Variants in BACC1 observed in about 807,000 individuals in gnomAD.
The protein encoded by BACC1 is BPTF associated chromatin complex component 1.
At chr17:7,015,517 C>T in the BACC1 span, 7 of 1,410,532 alleles carry the variant, frequency 5.0e-6, 1 homozygote, top group South Asian at 1.1e-4. Context: ...CTGTGTACAG[C>T]AGCCGTTTAA....
chr17:7,017,026 C>A, the BACC1 span: 64 of 1,599,594 alleles, frequency 4.0e-5, no homozygotes, highest in Middle Eastern at 1.7e-4. Flanking sequence ...TAGGAGTCCT[C>A]CTCCTCCCAC....
chr17:7,017,293 C>T, the BACC1 span: 1 of 1,613,992 alleles, frequency 6.2e-7, no homozygotes, highest in Non-Finnish European at 8.5e-7. Context: ...CTCATGACCT[C>T]TGCTGATCCT....
At chr17:7,015,067 A>G in the BACC1 span, 1 of 1,551,536 alleles carries the variant, frequency 6.4e-7, no homozygotes, top group Non-Finnish European at 8.6e-7. Context: ...CCCAGGTCGG[A>G]GAGATCTTCT....
At chr17:7,016,715 T>C in the BACC1 span, 1 of 1,593,416 alleles carries the variant, frequency 6.3e-7, no homozygotes, top group Non-Finnish European at 8.5e-7. Flanking sequence ...TGCCTAGGGG[T>C]TAAAGGTCCC....
At chr17:7,016,636 C>G in the BACC1 span, 1 of 1,614,024 alleles carries the variant, frequency 6.2e-7, no homozygotes, top group Non-Finnish European at 8.5e-7. Flanking sequence ...CTCCCAGCAG[C>G]TCCAGTGTCC....
the BACC1 span, chr17:7,016,252 G>A: frequency 9.1e-6 from 5 of 547,698 alleles, no homozygotes; most frequent in Admixed American, 3.6e-5. Context: ...TCTACCTGAT[G>A]TCTCTCCCAG....
the BACC1 span, chr17:7,016,782 C>A: frequency 6.5e-7 from 1 of 1,531,798 alleles, no homozygotes; most frequent in Non-Finnish European, 8.9e-7. Flanking sequence ...GTCTCTCTTC[C>A]TGTCCCTGTG....
At chr17:7,017,084 C>T in the BACC1 span, 18 of 1,537,752 alleles carry the variant, frequency 1.2e-5, no homozygotes, top group Non-Finnish European at 1.5e-5. Flanking sequence ...TGGCAGGGCA[C>T]GGTCTCCGCA....
the BACC1 span, chr17:7,017,222 C>G: frequency 6.2e-7 from 1 of 1,614,056 alleles, no homozygotes; most frequent in Admixed American, 1.7e-5. Context: ...ACTGGGGGCT[C>G]GCTCCATCTC....
the BACC1 span, chr17:7,015,976 C>T: frequency 3.2e-6 from 3 of 939,318 alleles, no homozygotes; most frequent in Non-Finnish European, 4.9e-6. Flanking sequence ...TCAGCTGCTT[C>T]CCTACTTTGT....
At chr17:7,015,664 G>T in the BACC1 span, 4 of 1,355,370 alleles carry the variant, frequency 3.0e-6, no homozygotes, top group South Asian at 1.3e-5. Context: ...CGTGGAAGGG[G>T]TCCCAGAAAT....
chr17:7,015,785 C>T, the BACC1 span: 4 of 1,613,860 alleles, frequency 2.5e-6, no homozygotes, highest in Admixed American at 1.7e-5. Context: ...GCGAAGTGGA[C>T]GGAGACGGAA....
the BACC1 span, chr17:7,016,920 C>T: frequency 6.8e-6 from 11 of 1,613,566 alleles, no homozygotes; most frequent in Admixed American, 1.8e-4. Flanking sequence ...ATGTGACACT[C>T]AGTGCTCTGA....
the BACC1 span, chr17:7,015,072 T>G: frequency 3.2e-6 from 5 of 1,557,246 alleles, no homozygotes; most frequent in African/African-American, 2.8e-5. Context: ...GTCGGAGAGA[T>G]CTTCTCGGCG....
At chr17:7,016,216 C>G in the BACC1 span, 1 of 525,826 alleles carries the variant, frequency 1.9e-6, no homozygotes, top group Non-Finnish European at 3.3e-6. Context: ...ATCAGTAAAT[C>G]TCAATCCACC....
chr17:7,016,485 T>A, the BACC1 span: 1 of 1,611,624 alleles, frequency 6.2e-7, no homozygotes, highest in South Asian at 1.1e-5. Context: ...CTCTTCTCTC[T>A]TTTCTTCAGG....
the BACC1 span, chr17:7,016,500 A>T: frequency 6.2e-7 from 1 of 1,612,868 alleles, no homozygotes; most frequent in South Asian, 1.1e-5. Flanking sequence ...TTCAGGGCCC[A>T]GATAAAGGCC....
At chr17:7,016,521 G>A in the BACC1 span, 17 of 1,613,614 alleles carry the variant, frequency 1.1e-5, no homozygotes, top group African/African-American at 5.3e-5. Context: ...ACTGTGAAAC[G>A]CAAGGTATAT....
At chr17:7,016,482 CTCTT>C in the BACC1 span, 1 of 1,611,338 alleles carries the variant, frequency 6.2e-7, no homozygotes, top group Non-Finnish European at 8.5e-7. Context: ...AACCTCTTCT[CTCTT>C]TTCTTCAGGG....
Sources: gnomAD v4.1 joint callset for allele counts on GRCh38, gnomAD v4.1.1 for gene constraint, MANE v1.5 for transcripts, NCBI Gene and HGNC (gene_info 2026-07-23, HGNC 2026-07-21) for gene names.